Variants in METAP1D observed in about 807,000 individuals in gnomAD.
METAP1D encodes methionine aminopeptidase 1D, mitochondrial.
Under a neutral mutation model 40.5 loss-of-function variants are expected in METAP1D, and 31 were observed. The ratio of observed to expected loss-of-function variants is 0.77; its 90% CI spans 0.58 to 1.03. The LOEUF is 1.03. Among genes scored for constraint, METAP1D ranks in the 50% least tolerant of loss-of-function variants. The pLI is 0.00. For missense variants in METAP1D, 411 were observed against 420.7 expected, an observed-to-expected ratio of 0.98 and a Z score of 0.20; for synonymous variants, 151 against 146.4, an observed-to-expected ratio of 1.03 and a Z score of -0.22.
intron 1 of METAP1D, among the ~76,000 whole-genome samples, chr2:172,036,851 A>T (rs914493628): frequency 1.3e-5 from 2 of 152,228 alleles, no homozygotes; most frequent in Admixed American, 1.3e-4. Context: ...CCACATCTTC[A>T]ACCTGTACTT....
At chr2:172,043,052 T>C (rs569529252) in intron 1 of METAP1D, among the ~76,000 whole-genome samples, 1 of 118,122 alleles carries the variant, frequency 8.5e-6, no homozygotes, top group East Asian at 2.1e-4. Context: ...CGTGTACACA[T>C]ATATGTGTAT....
Position 172,078,786 on chromosome 2 carries a change from C to T in METAP1D, c.803-429C>T, listed in dbSNP as rs1690618868. 2.0e-5 allele frequency among the ~76,000 whole-genome samples: 3 copies of T among 152,172 alleles called. No homozygotes were observed. In the South Asian group the frequency reaches 6.2e-4, roughly 31 times the overall value. On this transcript the variant is annotated intron_variant, in intron 7 of 9. Coordinates refer to ENST00000315796, the MANE Select transcript of METAP1D (RefSeq NM_199227.3). ...GAAGCTATTTGAAGTCAGGCCCCTG[C>T]TCCCCACAACCTGCACCAAAGGAGG...
chr2:172,056,968 TA>T (rs59670859), intron 1 of METAP1D, among the ~76,000 whole-genome samples: 21 of 150,016 alleles, frequency 1.4e-4, no homozygotes, highest in Non-Finnish European at 2.4e-4. Context: ...TTTTTCATGA[TA>T]AAAAAAACTG....
chr2:172,038,962 A>C (rs1260596641), intron 1 of METAP1D, among the ~76,000 whole-genome samples: 9 of 152,220 alleles, frequency 5.9e-5, no homozygotes, highest in Admixed American at 5.9e-4. Flanking sequence ...AGCAGGGTGG[A>C]TTTGGTAGTG....
chr2:172,061,688 C>T, intron 2 of METAP1D, 33 bp downstream of exon 2: 1 of 1,535,334 alleles, frequency 6.5e-7, no homozygotes, highest in Admixed American at 2.2e-5. Flanking sequence ...CTGCTTTTTC[C>T]AGCCAAGATA....
At chr2:172,066,343 T>C in intron 5 of METAP1D, 37 bp downstream of exon 5, 2 of 1,535,240 alleles carry the variant, frequency 1.3e-6, no homozygotes, top group Non-Finnish European at 1.8e-6. Flanking sequence ...TTTGATCAAC[T>C]TCAGAATTGC....
chr2:172,072,053 CTT>C (rs1346054865), intron 6 of METAP1D, among the ~76,000 whole-genome samples: 1 of 152,098 alleles, frequency 6.6e-6, no homozygotes, highest in Non-Finnish European at 1.5e-5. Flanking sequence ...TTATTGAAGA[CTT>C]TGAACAAAAT....
In METAP1D at chr2:172,023,004, T is replaced by C. The variant is rs536536276; in HGVS notation, c.40+22995T>C. Among the ~76,000 whole-genome samples the C allele has an allele frequency of 3.7e-4, 57 of 152,182 alleles. 1 individual carries two copies. The South Asian group carries it at 0.012, about 31-fold the overall frequency. ...GAGTTCGAGATCAGCCTGACCAACATGGAGAAACCTCGTCTCTACTAAAAA... is the reference window on the plus strand; with the variant it reads ...GAGTTCGAGATCAGCCTGACCAACACGGAGAAACCTCGTCTCTACTAAAAA... On this transcript the variant is annotated intron_variant, in intron 1 of 9. Transcript: ENST00000315796.
chr2:172,039,753 C>T (rs368329012), intron 1 of METAP1D, among the ~76,000 whole-genome samples: 91 of 150,978 alleles, frequency 6.0e-4, no homozygotes, highest in Non-Finnish European at 1.0e-3. Flanking sequence ...CTGCAACCTC[C>T]GCCTCCCGGG....
intron 1 of METAP1D, among the ~76,000 whole-genome samples, chr2:172,018,779 T>C (rs1688938996): frequency 6.6e-6 from 1 of 151,794 alleles, no homozygotes; most frequent in Admixed American, 6.6e-5. Context: ...GCTATTACCT[T>C]TCTGCCCTCC....
intron 1 of METAP1D, among the ~76,000 whole-genome samples, chr2:172,041,186 T>C (rs1689512997): frequency 6.6e-6 from 1 of 151,750 alleles, no homozygotes; most frequent in African/African-American, 2.4e-5. Flanking sequence ...TAAGGCTGGA[T>C]GCGGTGGCTC....
At chr2:172,070,857 A>G in intron 5 of METAP1D, 50 bp from the exon 6 acceptor site, 1 of 1,481,504 alleles carries the variant, frequency 6.7e-7, no homozygotes, top group Non-Finnish European at 9.1e-7. Flanking sequence ...TACTTTAGGA[A>G]AGTAGATTTT....
intron 1 of METAP1D, among the ~76,000 whole-genome samples, chr2:172,026,285 C>A (rs747295750): frequency 4.5e-4 from 69 of 152,208 alleles, no homozygotes; most frequent in African/African-American, 1.3e-3. Flanking sequence ...TTTTTCCCCT[C>A]CTGTTTCCTG....
intron 1 of METAP1D, among the ~76,000 whole-genome samples, chr2:172,049,222 C>T (rs966256062): frequency 3.3e-5 from 5 of 151,980 alleles, no homozygotes; most frequent in East Asian, 1.9e-4. Flanking sequence ...TGGACTCAAG[C>T]GATTCACAGG....
In METAP1D at chr2:172,066,289, A is replaced by G. The variant is rs147528840; in HGVS notation, c.523A>G (p.Ile175Val). ...DSRPLQDGDI[I>V]NIDVTVYYNG... is the part of the protein sequence containing the mutation. ...TCGACCTCTTCAGGATGGAGATATT[A>G]TCAACATTGATGTCACAGTGAGTAA... Residue 175 changes from isoleucine (I) to valine (V), a missense_variant, in exon 5 of 10, where the codon ATC (isoleucine) becomes GTC (valine). By Grantham distance (29) the Ile-to-Val change is conservative (BLOSUM62 3). Coordinates refer to ENST00000315796, the MANE Select transcript of METAP1D (RefSeq NM_199227.3). 3 of 1,611,938 alleles carry G rather than the reference A, an allele frequency of 1.9e-6. No homozygotes were observed. In the African/African-American group the frequency reaches 4.0e-5, roughly 22 times the overall value.
intron 5 of METAP1D, among the ~76,000 whole-genome samples, chr2:172,067,844 G>A (rs1316349108): frequency 6.6e-6 from 1 of 152,038 alleles, no homozygotes; most frequent in African/African-American, 2.4e-5. Context: ...GAAATGTGAA[G>A]GAATCTAGGA....
At chr2:172,012,132 T>C (rs565443426) in intron 1 of METAP1D, among the ~76,000 whole-genome samples, 59 of 152,354 alleles carry the variant, frequency 3.9e-4, no homozygotes, top group Middle Eastern at 3.4e-3. Context: ...TCAGTAAGAT[T>C]ATGATTAAGA....
chr2:172,063,008 A>G (rs1690172323), intron 2 of METAP1D, among the ~76,000 whole-genome samples: 1 of 152,220 alleles, frequency 6.6e-6, no homozygotes, highest in African/African-American at 2.4e-5. Context: ...GTAAGATGGT[A>G]TTTATTTCCT....
At chr2:172,022,123 A>G (rs1394433681) in intron 1 of METAP1D, among the ~76,000 whole-genome samples, 2 of 152,162 alleles carry the variant, frequency 1.3e-5, no homozygotes, top group Non-Finnish European at 2.9e-5. Flanking sequence ...CATGCAGACT[A>G]CCTGGATCCA....
Sources: gnomAD v4.1 joint callset for allele counts (sites outside exome capture counted in the v4.1 genomes callset) on GRCh38, gnomAD v4.1.1 for gene constraint, MANE v1.5 for transcripts, NCBI Gene and HGNC (gene_info 2026-07-23, HGNC 2026-07-21) for gene names.